Variants in PCSK5 observed in about 807,000 individuals in gnomAD.
PCSK5 encodes the protein prohormone convertase 5.
In PCSK5, 129 loss-of-function variants were observed where a neutral mutation model predicts 233.2. The ratio of observed to expected loss-of-function variants is 0.55; its 90% CI spans 0.48 to 0.64. PCSK5 has a LOEUF of 0.64. PCSK5 is among the 30% of genes least tolerant of loss of function. The pLI, the probability that PCSK5 is intolerant of heterozygous loss-of-function variation, is 0.00. For missense variants in PCSK5, 2,076 were observed against 2,430.1 expected (o/e 0.85, Z 3.06); for synonymous variants, 825 against 879.2 (o/e 0.94, Z 1.09).
intron 10 of PCSK5, among the ~76,000 whole-genome samples, chr9:76,147,638 A>T (rs1823493797): frequency 6.6e-6 from 1 of 152,202 alleles, no homozygotes; most frequent in Non-Finnish European, 1.5e-5. Flanking sequence ...TACACATGCA[A>T]GTTTGAGGAC....
intron 2 of PCSK5, among the ~76,000 whole-genome samples, chr9:75,974,548 A>C (rs183070473): frequency 4.1e-4 from 63 of 152,298 alleles, no homozygotes; most frequent in Non-Finnish European, 6.3e-4. Flanking sequence ...CTGTTTGCTA[A>C]ATATTTCAGA....
intron 3 of PCSK5, among the ~76,000 whole-genome samples, chr9:75,998,029 T>A (rs1827096710): frequency 6.6e-6 from 1 of 152,184 alleles, no homozygotes. Context: ...CAAACTATGG[T>A]CAGGTAGCAC....
chr9:76,211,501 T>C lies in PCSK5; in HGVS notation c.2627-16002T>C, dbSNP rs1293502147. Among the ~76,000 whole-genome samples the C allele has an allele frequency of 2.6e-5, 4 of 152,314 alleles. 1 individual carries two copies. In the East Asian group the frequency reaches 7.7e-4, roughly 29 times the overall value. ...GGAGACTGGTTTGTCTGATAGTCAA[T>C]TGAAGAAACTTTCTTGAGAGGCTTT... On this transcript the variant is annotated intron_variant, in intron 20 of 37. Transcript: ENST00000674117.
At chr9:76,112,842 G>C (rs1021591626) in intron 9 of PCSK5, among the ~76,000 whole-genome samples, 1 of 151,860 alleles carries the variant, frequency 6.6e-6, no homozygotes, top group African/African-American at 2.4e-5. Context: ...AGGGTTGTAG[G>C]GGGTGCAGGA....
rs1564191885 is a variant in PCSK5, at chr9:76,343,333, T to TGTGTG, written c.4966+4886_4966+4887insGTGTG. On this transcript the variant is annotated intron_variant, in intron 35 of 37. Transcript: ENST00000674117. ...GCACACACCACCGCACCTGGGTAAT[T>TGTGTG]TGTGTGTGTGTGTGTGTGTGTGTGT... Among the ~76,000 whole-genome samples the TGTGTG allele has an allele frequency of 5.5e-3, 733 of 133,890 alleles. 7 individuals carry two copies. The highest frequency in any genetic ancestry group is 0.014 in the Middle Eastern group (4 of 276). 87.8% of individuals were successfully genotyped at this position (133,890 alleles called of 152,430 possible).
At chr9:76,354,249 G>A (rs769417222) in intron 37 of PCSK5, 30 bp downstream of exon 37, 61 of 1,521,978 alleles carry the variant, frequency 4.0e-5, no homozygotes, top group Non-Finnish European at 5.2e-5. Context: ...AGCCTGCAGA[G>A]GAAGGGCATG....
intron 8 of PCSK5, among the ~76,000 whole-genome samples, chr9:76,099,837 C>G (rs1460488965): frequency 6.6e-6 from 1 of 152,130 alleles, no homozygotes; most frequent in Non-Finnish European, 1.5e-5. Context: ...CTGAGACATT[C>G]ATTTCCTTTT....
chr9:76,228,188 T>A (rs1215466794), intron 21 of PCSK5, among the ~76,000 whole-genome samples: 1 of 151,846 alleles, frequency 6.6e-6, no homozygotes, highest in Non-Finnish European at 1.5e-5. Context: ...CCATGGTGGG[T>A]TCTATGTCTG....
At chr9:76,153,477 T>C (rs1298977890) in intron 10 of PCSK5, among the ~76,000 whole-genome samples, 1 of 152,230 alleles carries the variant, frequency 6.6e-6, no homozygotes, top group Admixed American at 6.5e-5. Flanking sequence ...TACACAGTGC[T>C]TGCACAGAGT....
chr9:76,162,525 G>A (rs1470242766), intron 12 of PCSK5, among the ~76,000 whole-genome samples: 2 of 152,060 alleles, frequency 1.3e-5, no homozygotes, highest in African/African-American at 4.8e-5. Flanking sequence ...ATGCAAGGCA[G>A]TCCGTCTCTG....
In PCSK5 at chr9:76,206,671, GT is replaced by G. The variant is rs1316386522; in HGVS notation, c.2626+16926del. Reference sequence around the variant, plus strand: ...ATTGCCTGATGCTTCTGGAAGAATGGTGTTTCACATAGCTTTTTGCCCTGAG... The same window carrying G: ...ATTGCCTGATGCTTCTGGAAGAATGGGTTTCACATAGCTTTTTGCCCTGAG... On this transcript the variant is annotated intron_variant, in intron 20 of 37. Coordinates refer to ENST00000674117, the MANE Select transcript of PCSK5 (RefSeq NM_001372043.1). Among the ~76,000 whole-genome samples, 6 of 152,312 alleles carry G rather than the reference GT, an allele frequency of 3.9e-5. No individual in the cohort carries two copies. The East Asian group carries it at 1.2e-3, about 29-fold the overall frequency.
intron 1 of PCSK5, among the ~76,000 whole-genome samples, chr9:75,907,123 T>G (rs1311541256): frequency 6.6e-6 from 1 of 152,224 alleles, no homozygotes; most frequent in Non-Finnish European, 1.5e-5. Flanking sequence ...CTCTGATTTT[T>G]AACTTCATTG....
At chr9:76,067,597 T>G (rs1474376230) in intron 5 of PCSK5, among the ~76,000 whole-genome samples, 1 of 152,204 alleles carries the variant, frequency 6.6e-6, no homozygotes, top group Non-Finnish European at 1.5e-5. Flanking sequence ...AAAATTGAGA[T>G]AAGGTTGCAG....
chr9:76,312,922 A>G (rs919303742), intron 30 of PCSK5, among the ~76,000 whole-genome samples: 1 of 152,192 alleles, frequency 6.6e-6, no homozygotes, highest in African/African-American at 2.4e-5. Context: ...GGAGGTTTAC[A>G]TCAGTCAATG....
At chr9:75,934,622 C>T (rs952345348) in intron 2 of PCSK5, among the ~76,000 whole-genome samples, 8 of 151,568 alleles carry the variant, frequency 5.3e-5, no homozygotes, top group African/African-American at 1.9e-4. Context: ...ACTCTTATTG[C>T]CCAGGCTGGA....
At chr9:76,257,050 T>C (rs1218036753) in intron 24 of PCSK5, among the ~76,000 whole-genome samples, 4 of 152,226 alleles carry the variant, frequency 2.6e-5, no homozygotes, top group Non-Finnish European at 5.9e-5. Flanking sequence ...TAATTTGCTT[T>C]CTCTCTACGT....
intron 24 of PCSK5, among the ~76,000 whole-genome samples, chr9:76,265,211 C>T (rs980012796): frequency 2.6e-5 from 4 of 151,786 alleles, no homozygotes; most frequent in Non-Finnish European, 4.4e-5. Context: ...ACATGGGGTA[C>T]TCATGGACAT....
At chr9:76,156,785 T>C (rs1822606423) in intron 10 of PCSK5, among the ~76,000 whole-genome samples, 1 of 152,210 alleles carries the variant, frequency 6.6e-6, no homozygotes, top group Non-Finnish European at 1.5e-5. Flanking sequence ...AATGTAAAAC[T>C]GTAGACTAGT....
At chr9:76,057,639 A>T (rs376765405) in intron 5 of PCSK5, among the ~76,000 whole-genome samples, 1 of 152,212 alleles carries the variant, frequency 6.6e-6, no homozygotes, top group African/African-American at 2.4e-5. Context: ...TTATAAGGAA[A>T]TAGTCACTAT....
Sources: gnomAD v4.1 joint callset for allele counts (sites outside exome capture counted in the v4.1 genomes callset) on GRCh38, gnomAD v4.1.1 for gene constraint, MANE v1.5 for transcripts, NCBI Gene and HGNC (gene_info 2026-07-23, HGNC 2026-07-21) for gene names.